RP1: variants seen among roughly 807,000 people sequenced by gnomAD.
RP1 encodes the protein RP1 axonemal microtubule associated, also known as oxygen-regulated protein 1.
Under a neutral mutation model 14.8 loss-of-function variants are expected in RP1, and 16 were observed. The ratio of observed to expected loss-of-function variants is 1.08; its 90% CI spans 0.73 to 1.65. RP1 has a LOEUF of 1.65. Among genes scored for constraint, RP1 ranks in the 40% most tolerant of loss-of-function variants. The pLI, the probability that RP1 is intolerant of heterozygous loss-of-function variation, is 0.00. For missense variants in RP1, 2,631 were observed against 2,535.0 expected (o/e 1.04, Z -0.81); for synonymous variants, 876 against 883.6 (o/e 0.99, Z 0.15).
At chr8:54,703,017 T>A (rs778735667) in intron 14 of RP1, among the ~76,000 whole-genome samples, 1 of 152,210 alleles carries the variant, frequency 6.6e-6, no homozygotes, top group Non-Finnish European at 1.5e-5. Flanking sequence ...TCTGCAGTTA[T>A]TTCCTCCTCC....
chr8:54,803,184 A>C lies in RP1; in HGVS notation c.3615+19474A>C, dbSNP rs143328172. Among the ~76,000 whole-genome samples, 1,039 of 152,254 alleles carry C rather than the reference A, an allele frequency of 6.8e-3. 53 individuals carry two copies. The highest frequency in any genetic ancestry group is 0.063 in the Admixed American group (964 of 15,290). On this transcript the variant is annotated intron_variant, in intron 24 of 28. Transcript: ENST00000637698. ...CTTTGTCTTATTTTTTAGTCTAATC[A>C]GTTTGTTTTTCAAATGAATTTTCGT...
intron 18 of RP1, among the ~76,000 whole-genome samples, chr8:54,735,527 C>T (rs571739632): frequency 8.5e-5 from 13 of 152,290 alleles, no homozygotes; most frequent in African/African-American, 2.4e-4. Context: ...TGATTGAGGA[C>T]AACTCATGTC....
Position 54,847,282 on chromosome 8 carries a change from G to A in RP1, c.3836-5292G>A, listed in dbSNP as rs142402121. On this transcript the variant is annotated intron_variant, in intron 25 of 28. Transcript: ENST00000637698. ...TGATGTCTCTTCTAAGATTCTTTCA[G>A]TCTGTTTCAGAAATCAGTGGACTTT... 4.2e-3 allele frequency among the ~76,000 whole-genome samples: 640 copies of A among 152,244 alleles called. 4 individuals are homozygous for A. Among genetic ancestry groups the A allele is most frequent in the African/African-American group, 0.014 (572 of 41,552 alleles).
intron 14 of RP1, among the ~76,000 whole-genome samples, chr8:54,702,178 C>T (rs1033707783): frequency 2.6e-5 from 4 of 152,040 alleles, no homozygotes; most frequent in Non-Finnish European, 5.9e-5. Context: ...ATTTAATCAT[C>T]ACAAAAACAC....
intron 16 of RP1, among the ~76,000 whole-genome samples, chr8:54,721,565 TAA>T (rs1183491025): frequency 4.6e-5 from 7 of 152,242 alleles, no homozygotes; most frequent in African/African-American, 1.2e-4. Context: ...TGGCAAGACA[TAA>T]GAGAGAAATA....
At chr8:54,762,098 G>A (rs990500531) in intron 22 of RP1, among the ~76,000 whole-genome samples, 2 of 152,162 alleles carry the variant, frequency 1.3e-5, no homozygotes, top group Admixed American at 1.3e-4. Flanking sequence ...GGGGGAGCTG[G>A]GTAGGGTATG....
intron 6 of RP1, among the ~76,000 whole-genome samples, chr8:54,661,243 C>T (rs1057503634): frequency 1.2e-4 from 13 of 110,092 alleles, no homozygotes; most frequent in Non-Finnish European, 2.2e-4. Context: ...ATAATATATA[C>T]ATAATGATAT....
chr8:54,664,502 A>G (rs988652803), intron 7 of RP1, among the ~76,000 whole-genome samples: 1 of 152,126 alleles, frequency 6.6e-6, no homozygotes, highest in Admixed American at 6.6e-5. Context: ...CCATTTTACA[A>G]TCCCACCAGC....
chr8:54,700,858 T>G (rs764977795), intron 13 of RP1, among the ~76,000 whole-genome samples: 4 of 152,188 alleles, frequency 2.6e-5, no homozygotes, highest in South Asian at 4.1e-4. Context: ...CAGTGTCAGA[T>G]GGTTTCTTGC....
chr8:54,857,077 T>C (rs1350030052), exon 27 of RP1: 2 of 1,223,346 alleles, frequency 1.6e-6, no homozygotes. Flanking sequence ...TTGAAGAAAG[T>C]TCTGATTAGT....
At chr8:54,663,665 T>C (rs1585589384) in intron 6 of RP1, 1 of 1,500,652 alleles carries the variant, frequency 6.7e-7, no homozygotes, top group South Asian at 1.3e-5. Context: ...TGAGTACTGC[T>C]TGGCACTGAA....
intron 24 of RP1, among the ~76,000 whole-genome samples, chr8:54,822,901 G>T (rs529852859): frequency 1.3e-5 from 2 of 152,288 alleles, no homozygotes; most frequent in African/African-American, 4.8e-5. Context: ...TAACAAAATG[G>T]TAATAAGTAA....
At chr8:54,729,990 C>A (rs1259639844) in intron 17 of RP1, among the ~76,000 whole-genome samples, 1 of 151,258 alleles carries the variant, frequency 6.6e-6, no homozygotes, top group Non-Finnish European at 1.5e-5. Flanking sequence ...TTTTTTAATG[C>A]TTGTGCTGTT....
intron 25 of RP1, among the ~76,000 whole-genome samples, chr8:54,840,283 C>T (rs1053959371): frequency 1.3e-5 from 2 of 151,798 alleles, no homozygotes; most frequent in East Asian, 1.9e-4. Flanking sequence ...GATGGAGTCT[C>T]TCTCTGTTGC....
intron 25 of RP1, among the ~76,000 whole-genome samples, chr8:54,851,049 A>ATG (rs1812048683): frequency 2.6e-5 from 4 of 151,984 alleles, no homozygotes; most frequent in African/African-American, 9.7e-5. Flanking sequence ...AAGTACACGT[A>ATG]CGTGTGTGTG....
rs1806083205 is a variant in RP1 at position 54,627,177 on chromosome 8, C to G, written c.3295C>G (p.His1099Asp). 1 of 1,614,028 alleles carries G rather than the reference C, an allele frequency of 6.2e-7. No homozygotes were observed. Among genetic ancestry groups the G allele is most frequent in the South Asian group, 1.1e-5 (1 of 91,078 alleles). ...ATTGCAAGCTTCAGTTCCTGGTATT[C>G]ACAAGACTCAGAATGGAGTTGTTCA... ...HQLQASVPGI[H>D]KTQNGVVQMP... The change falls in exon 4 of 4, where the codon CAC (histidine) becomes GAC (aspartate). Residue 1099 changes from histidine (H) to aspartate (D), a missense_variant. Transcript: ENST00000220676.
chr8:54,691,771 A>G (rs1807716133), intron 12 of RP1, among the ~76,000 whole-genome samples: 1 of 151,868 alleles, frequency 6.6e-6, no homozygotes, highest in Non-Finnish European at 1.5e-5. Context: ...AAAAGCATAC[A>G]AATATATATA....
At chr8:54,702,352 G>A (rs1207983584) in intron 14 of RP1, among the ~76,000 whole-genome samples, 3 of 152,138 alleles carry the variant, frequency 2.0e-5, no homozygotes, top group Admixed American at 1.3e-4. Context: ...TTGCAATAAA[G>A]CAGATTTCTC....
At chr8:54,831,877 A>T (rs1441099967) in intron 24 of RP1, among the ~76,000 whole-genome samples, 2 of 151,604 alleles carry the variant, frequency 1.3e-5, no homozygotes, top group Non-Finnish European at 3.0e-5. Context: ...TTTAATGAAA[A>T]GATGTTCATT....
Sources: gnomAD v4.1 joint callset for allele counts (sites outside exome capture counted in the v4.1 genomes callset) on GRCh38, gnomAD v4.1.1 for gene constraint, MANE v1.5 for transcripts, NCBI Gene and HGNC (gene_info 2026-07-23, HGNC 2026-07-21) for gene names.